The following ZNF724 variants were observed in gnomAD, a reference collection of about 807,000 sequenced individuals.
The protein encoded by ZNF724 is zinc finger protein 724, also known as zinc finger protein 724 pseudogene.
ZNF724 carries 14 observed loss-of-function variants against 29.3 expected under a neutral mutation model. The observed-to-expected ratio is 0.48, with a 90% CI of 0.32 to 0.75. The LOEUF (loss-of-function observed/expected upper bound fraction) is 0.75. ZNF724 is among the 30% of genes least tolerant of loss of function. The pLI, the probability that ZNF724 is intolerant of heterozygous loss-of-function variation, is 0.04. For missense variants in ZNF724, 557 were observed against 571.2 expected (o/e 0.98, Z 0.25); for synonymous variants, 180 against 193.6 (o/e 0.93, Z 0.58).
At chr19:23,246,303 A>T (rs1399000077) in intron 1 of ZNF724, among the ~76,000 whole-genome samples, 3 of 151,688 alleles carry the variant, frequency 2.0e-5, no homozygotes, top group Non-Finnish European at 2.9e-5. Flanking sequence ...ATTATAAATC[A>T]TGTAGTAAAC....
intron 1 of ZNF724, among the ~76,000 whole-genome samples, chr19:23,239,249 A>G (rs950865039): frequency 2.8e-5 from 4 of 143,862 alleles, no homozygotes; most frequent in Non-Finnish European, 6.1e-5. Flanking sequence ...GAACTGTCCA[A>G]CTGAAATCAA....
chr19:23,222,658 A>T lies in ZNF724; in HGVS notation c.1587T>A (p.Ala529=), dbSNP rs769257158. 11 of 1,366,564 alleles carry T rather than the reference A, an allele frequency of 8.0e-6. No individual in the cohort carries two copies. Among genetic ancestry groups the T allele is most frequent in the Non-Finnish European group, 1.1e-5 (11 of 958,042 alleles). 84.7% of individuals were successfully genotyped at this position (1,366,564 alleles called of 1,614,324 possible). A position where few individuals can be genotyped will look rare whatever the true frequency, so the allele number is the denominator to read the frequency against. The change falls in exon 4 of 4, where the codon GCT becomes GCA. Residue 529 remains alanine (A), a synonymous_variant. Coordinates refer to ENST00000418100, the MANE Select transcript of ZNF724 (RefSeq NM_001355404.2). ...STLARHKIIH[A]GEKPYKCEEC... is the part of the protein sequence containing the mutation. ...CTTCACATTTGTAGGGTTTCTCTCC[A>T]GCATGAATTATCTTATGTCTAGCAA...
chr19:23,224,156 A>T, intron 3 of ZNF724, 138 bp from the exon 4 acceptor site: 1 of 511,374 alleles, frequency 2.0e-6, no homozygotes, highest in Non-Finnish European at 3.4e-6. Context: ...TAATGCCTGT[A>T]CTCCCAGCAC....
In ZNF724 at chr19:23,223,680, T is replaced by C. The variant is rs1010240709; in HGVS notation, c.565A>G (p.Lys189Glu). The change falls in exon 4 of 4, where the codon AAA becomes GAA. Residue 189 changes from lysine (K) to glutamate (E), a missense_variant. By Grantham distance (56) the Lys-to-Glu change is moderately conservative (BLOSUM62 1). Transcript: ENST00000418100. Reference sequence around the variant, plus strand: ...GAATTGACAGTAGTGTGAATTCTTTTATGTTGAGTTAGGTGTGAAAGAACA... The same window carrying C: ...GAATTGACAGTAGTGTGAATTCTTTCATGTTGAGTTAGGTGTGAAAGAACA... ...FCVLSHLTQH[K>E]RIHTTVNSYK... 18 of 715,714 alleles carry C rather than the reference T, an allele frequency of 2.5e-5. No homozygotes were observed. The East Asian group carries it at 4.6e-4, about 18-fold the overall frequency. The allele number at this position is 715,714 out of a possible 1,614,324, so 44.3% of individuals were successfully genotyped here.
At chr19:23,243,475 C>CAAAAAAAAAAA (rs61241201) in intron 1 of ZNF724, among the ~76,000 whole-genome samples, 421 of 30,982 alleles carry the variant, frequency 0.014, 19 homozygotes, top group Non-Finnish European at 0.017. Context: ...GAGTCCATCT[C>CAAAAAAAAAAA]AAAAAAAAAA....
chr19:23,231,370 T>C lies in ZNF724; in HGVS notation c.131-9A>G. ...CTTAGAGACAGCAATACCTGTTTTATTAAAAATAAATAACATGAATGTTGC... is the reference window on the plus strand; with the variant it reads ...CTTAGAGACAGCAATACCTGTTTTACTAAAAATAAATAACATGAATGTTGC... On this transcript the variant is annotated splice_polypyrimidine_tract_variant and intron_variant, in intron 2 of 3. Transcript: ENST00000418100. 1 of 1,344,888 alleles carries C rather than the reference T, an allele frequency of 7.4e-7. No individual in the cohort carries two copies. Among genetic ancestry groups the C allele is most frequent in the Non-Finnish European group, 1.1e-6 (1 of 945,638 alleles). The allele number at this position is 1,344,888 out of a possible 1,614,324, so 83.3% of individuals were successfully genotyped here.
chr19:23,228,744 C>T (rs1372851762), intron 3 of ZNF724, among the ~76,000 whole-genome samples: 1 of 151,850 alleles, frequency 6.6e-6, no homozygotes, highest in African/African-American at 2.4e-5. Context: ...ACTAAAAATA[C>T]AAAAATTAGC....
In ZNF724 at chr19:23,233,635, G is replaced by T. The variant is rs1971976403; in HGVS notation, c.4-1342C>A. Among the ~76,000 whole-genome samples, 4 of 152,052 alleles carry T rather than the reference G, an allele frequency of 2.6e-5. No individual in the cohort carries two copies. The South Asian group carries it at 8.3e-4, about 32-fold the overall frequency. ...AGAGAAGGCTCTGGTATATAGGAAA[G>T]AAATATTTTTCTTGATTATCATAAG... is the stretch of plus-strand genomic sequence containing the variant. On this transcript the variant is annotated intron_variant, in intron 1 of 3. Coordinates refer to ENST00000418100, the MANE Select transcript of ZNF724 (RefSeq NM_001355404.2).
At chr19:23,248,579 G>T (rs1278672964) in intron 1 of ZNF724, among the ~76,000 whole-genome samples, 1 of 136,836 alleles carries the variant, frequency 7.3e-6, no homozygotes, top group Non-Finnish European at 1.6e-5. Flanking sequence ...TAACTCAAAT[G>T]CATTTTTTTT....
Position 23,222,621 on chromosome 19 carries a change from C to G in ZNF724, c.1624G>C (p.Ala542Pro). The G allele has an allele frequency of 7.4e-7, 1 of 1,357,784 alleles. No individual in the cohort carries two copies. The highest frequency in any genetic ancestry group is 1.1e-6 in the Non-Finnish European group (1 of 950,492). The allele number at this position is 1,357,784 out of a possible 1,614,324, so 84.1% of individuals were successfully genotyped here. The change falls in exon 4 of 4, where the codon GCT becomes CCT. Residue 542 changes from alanine (A) to proline (P), a missense_variant. Coordinates refer to ENST00000418100, the MANE Select transcript of ZNF724 (RefSeq NM_001355404.2). ...GTAAGGTTTGAGTATTGGTAAAAAGCTTTGCCACATTCTTCACATTTGTAG... is the reference window on the plus strand; with the variant it reads ...GTAAGGTTTGAGTATTGGTAAAAAGGTTTGCCACATTCTTCACATTTGTAG... ...KPYKCEECGK[A>P]FYQYSNLTQH...
chr19:23,222,412 A>T lies in ZNF724; in HGVS notation c.1833T>A (p.Ile611=). 1 of 1,195,630 alleles carries T rather than the reference A, an allele frequency of 8.4e-7. No individual in the cohort carries two copies. Among genetic ancestry groups the T allele is most frequent in the Non-Finnish European group, 1.2e-6 (1 of 806,062 alleles). The allele number at this position is 1,195,630 out of a possible 1,614,324, so 74.1% of individuals were successfully genotyped here. Residue 611 remains isoleucine, a synonymous_variant, in exon 4 of 4, where the codon ATT becomes ATA. Coordinates refer to ENST00000418100, the MANE Select transcript of ZNF724 (RefSeq NM_001355404.2). ...QCSNLTTHKK[I]HAVEKSDK is the part of the protein sequence containing the mutation. Reference sequence around the variant, plus strand: ...ATTTGTCAGATTTTTCTACAGCATGAATTTTCTTGTGTGTAGTAAGGTTTG... The same window carrying T: ...ATTTGTCAGATTTTTCTACAGCATGTATTTTCTTGTGTGTAGTAAGGTTTG...
intron 1 of ZNF724, chr19:23,242,838 G>C (rs1362916054): frequency 2.0e-5 from 3 of 151,502 alleles, no homozygotes; most frequent in Non-Finnish European, 2.9e-5. Context: ...TCAGGAGTTT[G>C]AGACCAGCCT....
chr19:23,235,141 G>A (rs1972003462), intron 1 of ZNF724, among the ~76,000 whole-genome samples: 1 of 152,252 alleles, frequency 6.6e-6, no homozygotes, highest in South Asian at 2.1e-4. Flanking sequence ...ATGTGCTCAA[G>A]AGTATGTTAC....
rs1282910562 is a variant in ZNF724 at position 23,223,775 on chromosome 19, A to T, written c.470T>A (p.Phe157Tyr). 2 of 765,530 alleles carry T rather than the reference A, an allele frequency of 2.6e-6. No individual in the cohort carries two copies. The highest frequency in any genetic ancestry group is 2.7e-5 in the South Asian group (2 of 72,818). The allele number at this position is 765,530 out of a possible 1,614,324, so 47.4% of individuals were successfully genotyped here. ...CDKYVKDFHK[F>Y]SNSNRHKTEK... ...AGTCTTATGTCTATTTGAATTTGAA[A>T]ATTTATGAAAGTCTTTCACATATTT... is the stretch of plus-strand genomic sequence containing the variant. The change falls in exon 4 of 4, where the codon TTT becomes TAT. Residue 157 changes from phenylalanine to tyrosine, a missense_variant. Around this residue, in one of 3 missense-constraint regions of ZNF724, gnomAD observed 362 missense variants for 295.5 expected, o/e 1.22. Transcript: ENST00000418100.
At chr19:23,231,396 T>C (rs1465815673) in intron 2 of ZNF724, 35 bp from the exon 3 acceptor site, 1 of 1,252,718 alleles carries the variant, frequency 8.0e-7, no homozygotes, top group Non-Finnish European at 1.1e-6. Context: ...TGAATGTTGC[T>C]CATATTCTTT....
chr19:23,232,004 T>C (rs1490349110), intron 2 of ZNF724, among the ~76,000 whole-genome samples, 163 bp downstream of exon 2: 1 of 152,148 alleles, frequency 6.6e-6, no homozygotes, highest in Non-Finnish European at 1.5e-5. Context: ...CCCAAAGTGC[T>C]AGGATTACAG....
intron 1 of ZNF724, among the ~76,000 whole-genome samples, chr19:23,248,701 A>G (rs1972288710): frequency 6.6e-6 from 1 of 152,106 alleles, no homozygotes; most frequent in South Asian, 2.1e-4. Flanking sequence ...AAGGTGGAAA[A>G]TAAGAAACTG....
intron 3 of ZNF724, among the ~76,000 whole-genome samples, chr19:23,228,342 C>T (rs1317905560): frequency 1.3e-5 from 2 of 150,630 alleles, no homozygotes; most frequent in Non-Finnish European, 3.0e-5. Context: ...CCCAGCTACT[C>T]GGGAGGCTGA....
At chr19:23,243,716 A>G (rs1972180859) in intron 1 of ZNF724, among the ~76,000 whole-genome samples, 2 of 151,664 alleles carry the variant, frequency 1.3e-5, no homozygotes, top group Non-Finnish European at 2.9e-5. Context: ...TGAGGTCAGG[A>G]GTTCGAGACC....
Sources: gnomAD v4.1 joint callset for allele counts (sites outside exome capture counted in the v4.1 genomes callset) on GRCh38, gnomAD v4.1.1 for gene constraint, gnomAD v4.1.1 regional missense constraint, MANE v1.5 for transcripts, NCBI Gene and HGNC (gene_info 2026-07-23, HGNC 2026-07-21) for gene names.